Variants in NGF observed in about 807,000 individuals in gnomAD.
NGF encodes the protein beta-nerve growth factor.
A neutral mutation model predicts 12.8 loss-of-function variants in NGF; 4 were observed. The observed-to-expected ratio is 0.31, with a 90% CI of 0.15 to 0.72. The LOEUF is 0.72. Among genes scored for constraint, NGF ranks in the 30% least tolerant of loss-of-function variants. NGF has a pLI of 0.69. For missense variants in NGF, 283 were observed against 330.8 expected (o/e 0.86, Z 1.12); for synonymous variants, 140 against 130.0 (o/e 1.08, Z -0.52).
At chr1:115,296,304 G>A (rs546098461) in intron 1 of NGF, among the ~76,000 whole-genome samples, 4 of 152,170 alleles carry the variant, frequency 2.6e-5, no homozygotes, top group Non-Finnish European at 4.4e-5. Context: ...CCCACTGAAC[G>A]TCTTCCTATA....
At chr1:115,314,913 G>C (rs142637125) in intron 1 of NGF, among the ~76,000 whole-genome samples, 1 of 152,196 alleles carries the variant, frequency 6.6e-6, no homozygotes, top group Non-Finnish European at 1.5e-5. Flanking sequence ...ATTATAAGTT[G>C]AGGCGCTAGT....
intron 1 of NGF, among the ~76,000 whole-genome samples, chr1:115,328,379 T>C (rs1257858688): frequency 6.6e-6 from 1 of 152,180 alleles, no homozygotes. Context: ...TGCCCTCCAC[T>C]GGGAACCAAA....
chr1:115,295,101 A>G (rs992154808), intron 1 of NGF, among the ~76,000 whole-genome samples: 1 of 152,160 alleles, frequency 6.6e-6, no homozygotes, highest in African/African-American at 2.4e-5. Flanking sequence ...GATCCCCACC[A>G]CATATCTTCA....
chr1:115,294,665 C>T (rs1221204163), intron 1 of NGF, among the ~76,000 whole-genome samples: 2 of 152,216 alleles, frequency 1.3e-5, no homozygotes, highest in African/African-American at 4.8e-5. Context: ...ACAGGACGCT[C>T]AGCGAGGAGC....
At chr1:115,297,548 C>G (rs888283405) in intron 1 of NGF, among the ~76,000 whole-genome samples, 1 of 152,160 alleles carries the variant, frequency 6.6e-6, no homozygotes, top group Non-Finnish European at 1.5e-5. Context: ...CAATTTCAGC[C>G]ATGAAACTTG....
intron 1 of NGF, among the ~76,000 whole-genome samples, chr1:115,328,590 C>T (rs569502579): frequency 6.6e-5 from 10 of 152,326 alleles, no homozygotes; most frequent in African/African-American, 2.4e-4. Flanking sequence ...TGGGCAGAAA[C>T]TTCTTTAGAA....
At chr1:115,307,557 A>G (rs1654235091) in intron 1 of NGF, among the ~76,000 whole-genome samples, 1 of 152,218 alleles carries the variant, frequency 6.6e-6, no homozygotes, top group African/African-American at 2.4e-5. Context: ...TGATTCCTGA[A>G]TTTCCCTAGA....
chr1:115,321,392 C>T (rs1359227275), intron 1 of NGF, among the ~76,000 whole-genome samples: 1 of 152,180 alleles, frequency 6.6e-6, no homozygotes, highest in Non-Finnish European at 1.5e-5. Context: ...GAACTTCATC[C>T]ACCAGCTTTT....
intron 1 of NGF, among the ~76,000 whole-genome samples, chr1:115,302,596 CTTCT>C (rs765345092): frequency 1.3e-5 from 2 of 152,236 alleles, no homozygotes; most frequent in South Asian, 2.1e-4. Context: ...TAGCATTTCA[CTTCT>C]TTCTTTGTGA....
At position 115,304,329 on chromosome 1, in the gene NGF, A is replaced by ATTTTTTTTTTTT. The variant is rs58345237; in HGVS notation, c.-136-10591_-136-10580dup. ...AGGAGCGCACCACCATGCTTGGCTA[A>ATTTTTTTTTTTT]TTTTTTTTTTTTTTTTGTATTTTTA... is the stretch of plus-strand genomic sequence containing the variant. On this transcript the variant is annotated intron_variant, in intron 1 of 2. Transcript: ENST00000369512. Among the ~76,000 whole-genome samples the ATTTTTTTTTTTT allele has an allele frequency of 6.2e-4, 50 of 80,814 alleles. 6 individuals are homozygous for ATTTTTTTTTTTT. The highest frequency in any genetic ancestry group is 9.3e-4 in the Non-Finnish European group (37 of 39,580). 53.0% of individuals were successfully genotyped at this position (80,814 alleles called of 152,430 possible). A position where few individuals can be genotyped will look rare whatever the true frequency, so the allele number is the denominator to read the frequency against.
chr1:115,298,831 G>T (rs577620751), intron 1 of NGF, among the ~76,000 whole-genome samples: 13 of 151,966 alleles, frequency 8.6e-5, no homozygotes, highest in African/African-American at 2.4e-4. Context: ...TTTCCACCCA[G>T]GAGAGCTCTG....
intron 2 of NGF, among the ~76,000 whole-genome samples, chr1:115,288,619 T>C (rs933673664): frequency 2.6e-5 from 4 of 152,194 alleles, no homozygotes; most frequent in Non-Finnish European, 5.9e-5. Context: ...CTCCATCCCT[T>C]GTATTCCACA....
chr1:115,337,182 T>C (rs950902294), intron 1 of NGF, among the ~76,000 whole-genome samples: 1 of 150,996 alleles, frequency 6.6e-6, no homozygotes, highest in Non-Finnish European at 1.5e-5. Context: ...GGCTCTTTTT[T>C]AATCTCTCAA....
intron 1 of NGF, among the ~76,000 whole-genome samples, chr1:115,313,586 T>C (rs571096757): frequency 6.6e-6 from 1 of 152,338 alleles, no homozygotes; most frequent in South Asian, 2.1e-4. Flanking sequence ...TTTTCTTTTT[T>C]AGTTTAATAA....
intron 1 of NGF, among the ~76,000 whole-genome samples, chr1:115,335,183 C>G (rs577487478): frequency 6.6e-5 from 10 of 152,174 alleles, no homozygotes; most frequent in African/African-American, 2.4e-4. Context: ...TTATTCTCCT[C>G]GGCTCAAATA....
At chr1:115,325,969 T>C (rs1169295204) in intron 1 of NGF, among the ~76,000 whole-genome samples, 2 of 152,122 alleles carry the variant, frequency 1.3e-5, no homozygotes, top group East Asian at 3.9e-4. Flanking sequence ...AGATGTCCTT[T>C]AGACATCCAA....
chr1:115,333,757 C>CT, intron 1 of NGF, among the ~76,000 whole-genome samples: 1 of 102,756 alleles, frequency 9.7e-6, no homozygotes, highest in Non-Finnish European at 1.8e-5. Context: ...TTCCTCCCTC[C>CT]CCCCTCTCTC....
intron 1 of NGF, among the ~76,000 whole-genome samples, chr1:115,334,892 C>A (rs1488415134): frequency 6.6e-6 from 1 of 152,160 alleles, no homozygotes; most frequent in Non-Finnish European, 1.5e-5. Flanking sequence ...GAAAGTGAGG[C>A]CTGAGAAGCT....
chr1:115,320,215 A>T (rs1249043067), intron 1 of NGF, among the ~76,000 whole-genome samples: 1 of 152,156 alleles, frequency 6.6e-6, no homozygotes, highest in Non-Finnish European at 1.5e-5. Context: ...CCCACAGGGG[A>T]TATGTTCCAA....
Sources: allele counts gnomAD v4.1 joint callset (sites outside exome capture counted in the v4.1 genomes callset), GRCh38; gene constraint gnomAD v4.1.1; transcripts MANE v1.5; gene names NCBI Gene and HGNC (gene_info 2026-07-23, HGNC 2026-07-21).